Variants in TGM6 observed in about 807,000 individuals in gnomAD.
TGM6 encodes protein-glutamine gamma-glutamyltransferase 6.
TGM6 carries 74 observed loss-of-function variants against 77.5 expected under a neutral mutation model. That is an observed-to-expected ratio of 0.96 (90% CI 0.79 to 1.16). The LOEUF is 1.16. TGM6 is among the 50% of genes most tolerant of loss of function. The pLI is 0.00. For missense variants in TGM6, 968 were observed against 940.2 expected, an observed-to-expected ratio of 1.03 and a Z score of -0.39; for synonymous variants, 383 against 378.9, an observed-to-expected ratio of 1.01 and a Z score of -0.12.
At chr20:2,382,979 C>T (rs2084566521) in intron 1 of TGM6, among the ~76,000 whole-genome samples, 1 of 152,168 alleles carries the variant, frequency 6.6e-6, no homozygotes. Context: ...GAGTGGAATA[C>T]TGTATGTGAG....
At chr20:2,397,186 C>T (rs766042046) in intron 4 of TGM6, among the ~76,000 whole-genome samples, 18 of 152,168 alleles carry the variant, frequency 1.2e-4, no homozygotes, top group Non-Finnish European at 2.2e-4. Flanking sequence ...TGGAGGCTTA[C>T]GTGATATTGT....
intron 10 of TGM6, among the ~76,000 whole-genome samples, chr20:2,429,398 A>T (rs2084908854): frequency 6.6e-6 from 1 of 151,924 alleles, no homozygotes; most frequent in Non-Finnish European, 1.5e-5. Flanking sequence ...AACAATAGGG[A>T]ATGAGAGGGC....
chr20:2,388,697 C>T (rs1303283993), intron 1 of TGM6, among the ~76,000 whole-genome samples: 1 of 151,364 alleles, frequency 6.6e-6, no homozygotes, highest in African/African-American at 2.4e-5. Flanking sequence ...AACAGCAGTA[C>T]CTCCCTCATA....
chr20:2,420,630 C>A (rs1312908156), intron 10 of TGM6, among the ~76,000 whole-genome samples: 1 of 152,204 alleles, frequency 6.6e-6, no homozygotes, highest in African/African-American at 2.4e-5. Flanking sequence ...CAGCTATGTG[C>A]TCCACCTATT....
At chr20:2,401,002 A>G (rs574314396) in intron 7 of TGM6, among the ~76,000 whole-genome samples, 18 of 151,946 alleles carry the variant, frequency 1.2e-4, no homozygotes, top group Non-Finnish European at 2.2e-4. Context: ...TCACACCATT[A>G]CACTCCACCC....
rs376579144 is a variant in TGM6, at chr20:2,384,029, C to T, written c.7+3054C>T. Among the ~76,000 whole-genome samples, 797 of 151,362 alleles carry T rather than the reference C, an allele frequency of 5.3e-3. 6 individuals carry two copies. The highest frequency in any genetic ancestry group is 0.018 in the African/African-American group (756 of 41,194). ...GCCTGAGGCAGGAGAATGGCATGAA[C>T]CCGGGAGGCGGAGCTTGCAGTGAGC... is the stretch of plus-strand genomic sequence containing the variant. On this transcript the variant is annotated intron_variant, in intron 1 of 12. Coordinates refer to ENST00000202625, the MANE Select transcript of TGM6 (RefSeq NM_198994.3).
chr20:2,384,857 G>C (rs182671894), intron 1 of TGM6, among the ~76,000 whole-genome samples: 1 of 152,142 alleles, frequency 6.6e-6, no homozygotes, highest in East Asian at 1.9e-4. Context: ...CTGTGCCTGG[G>C]GGGTACAGCC....
At position 2,403,611 on chromosome 20, in the gene TGM6, C is replaced by T. The variant is rs752757164; in HGVS notation, c.1124C>T (p.Thr375Ile). 6.2e-7 allele frequency: 1 copy of T among 1,614,184 alleles called. No homozygotes were observed. The highest frequency in any genetic ancestry group is 1.1e-5 in the South Asian group (1 of 91,082). ...GVFRCGPASV[T>I]AIREGDVHLA... The stretch of plus-strand genomic sequence containing the variant: ...TTCCGGTGCGGCCCAGCCTCAGTCA[C>T]CGCCATCCGCGAGGGTGATGTGCAC... Residue 375 changes from threonine (T) to isoleucine (I), a missense_variant, in exon 9 of 13, where the codon ACC (threonine) becomes ATC (isoleucine). By Grantham distance (89) the Thr-to-Ile change is moderately conservative. Coordinates refer to ENST00000202625, the MANE Select transcript of TGM6 (RefSeq NM_198994.3).
chr20:2,420,518 C>A (rs190235660), intron 10 of TGM6, among the ~76,000 whole-genome samples: 1 of 152,342 alleles, frequency 6.6e-6, no homozygotes, highest in Admixed American at 6.5e-5. Flanking sequence ...AGGGTTCACT[C>A]TGTGTTGTGC....
chr20:2,400,642 A>T (rs2084702168), intron 7 of TGM6, among the ~76,000 whole-genome samples, 198 bp downstream of exon 7: 1 of 146,776 alleles, frequency 6.8e-6, no homozygotes, highest in Non-Finnish European at 1.5e-5. Context: ...AGGTCAAGAG[A>T]TGTAGACTCA....
At chr20:2,395,041 C>G (rs2084653466) in intron 2 of TGM6, among the ~76,000 whole-genome samples, 153 bp from the exon 3 acceptor site, 1 of 152,246 alleles carries the variant, frequency 6.6e-6, no homozygotes, top group African/African-American at 2.4e-5. Flanking sequence ...CACTTGGCCA[C>G]TGGCCTTCTT....
intron 5 of TGM6, among the ~76,000 whole-genome samples, chr20:2,398,287 G>C (rs2084682699): frequency 6.6e-6 from 1 of 152,136 alleles, no homozygotes; most frequent in South Asian, 2.1e-4. Flanking sequence ...GCTTCTTCTG[G>C]GGATATCTTA....
At chr20:2,400,626 G>C (rs1434324812) in intron 7 of TGM6, among the ~76,000 whole-genome samples, 182 bp downstream of exon 7, 2 of 152,042 alleles carry the variant, frequency 1.3e-5, no homozygotes, top group Admixed American at 6.6e-5. Flanking sequence ...CAAGATGTAA[G>C]GTCTGAGGTC....
At chr20:2,431,068 C>G in intron 12 of TGM6, 41 bp downstream of exon 12, 1 of 1,594,506 alleles carries the variant, frequency 6.3e-7, no homozygotes, top group Non-Finnish European at 8.5e-7. Context: ...ATGGGGCTCT[C>G]TTCCTTGTGG....
intron 12 of TGM6, among the ~76,000 whole-genome samples, chr20:2,431,785 G>A (rs1385328401): frequency 6.6e-6 from 1 of 152,238 alleles, no homozygotes; most frequent in African/African-American, 2.4e-5. Context: ...CAGGTATCAA[G>A]AAGTAAGGAC....
At chr20:2,426,489 A>G (rs1156591616) in intron 10 of TGM6, among the ~76,000 whole-genome samples, 1 of 152,066 alleles carries the variant, frequency 6.6e-6, no homozygotes, top group Non-Finnish European at 1.5e-5. Flanking sequence ...TTCCTTCCCA[A>G]TCTGTATACA....
At chr20:2,394,406 G>A (rs747640333) in intron 1 of TGM6, 46 bp from the exon 2 acceptor site, 1 of 1,606,666 alleles carries the variant, frequency 6.2e-7, no homozygotes, top group Non-Finnish European at 8.5e-7. Flanking sequence ...GAGTGGGTGA[G>A]AAACAGGAGG....
At chr20:2,397,808 C>T (rs2084678931) in intron 4 of TGM6, 110 bp from the exon 5 acceptor site, 2 of 1,582,934 alleles carry the variant, frequency 1.3e-6, no homozygotes, top group Non-Finnish European at 1.7e-6. Context: ...TTGGAGGGGG[C>T]AGCAAACTGC....
chr20:2,404,951 C>T (rs906381469), intron 9 of TGM6, among the ~76,000 whole-genome samples: 3 of 152,124 alleles, frequency 2.0e-5, no homozygotes, highest in African/African-American at 7.2e-5. Context: ...CCTTGTTGCA[C>T]ATTTGAATTA....
Sources: allele counts gnomAD v4.1 joint callset (sites outside exome capture counted in the v4.1 genomes callset), GRCh38; gene constraint gnomAD v4.1.1; transcripts MANE v1.5; gene names NCBI Gene and HGNC (gene_info 2026-07-23, HGNC 2026-07-21).